The following PRPF38A variants were observed in gnomAD, a reference collection of about 807,000 sequenced individuals.
PRPF38A encodes pre-mRNA-splicing factor 38A.
PRPF38A carries 11 observed loss-of-function variants against 46.8 expected under a neutral mutation model. The ratio of observed to expected loss-of-function variants is 0.24; its 90% CI spans 0.15 to 0.39. PRPF38A has a LOEUF of 0.39. Among genes scored for constraint, PRPF38A ranks in the 10% least tolerant of loss-of-function variants. The probability of loss-of-function intolerance (pLI) is 1.00; values close to 1 mark genes in which losing one functional copy is unlikely to be tolerated. For missense variants in PRPF38A, 261 were observed against 407.5 expected (o/e 0.64, Z 3.10); for synonymous variants, 124 against 136.2 (o/e 0.91, Z 0.62).
chr1:52,410,455 A>G (rs1051162797), intron 3 of PRPF38A, among the ~76,000 whole-genome samples: 7 of 150,592 alleles, frequency 4.6e-5, no homozygotes, highest in Middle Eastern at 3.2e-3. Flanking sequence ...TTATATATAT[A>G]TAGATGTATA....
chr1:52,408,128 C>A (rs1648051484), intron 2 of PRPF38A, among the ~76,000 whole-genome samples: 1 of 150,356 alleles, frequency 6.7e-6, no homozygotes, highest in African/African-American at 2.5e-5. Context: ...GTAATCCTCG[C>A]TACATGGAGG....
At chr1:52,415,118 T>C (rs1350650656) in intron 8 of PRPF38A, among the ~76,000 whole-genome samples, 1 of 152,240 alleles carries the variant, frequency 6.6e-6, no homozygotes, top group East Asian at 1.9e-4. Context: ...TTTGTGAAAT[T>C]AGTCATAAAG....
rs994315184 is a variant in PRPF38A, at chr1:52,418,647, G to T, written c.*1957G>T. On this transcript the variant is annotated 3_prime_UTR_variant, in exon 10 of 10. Coordinates refer to ENST00000257181, the MANE Select transcript of PRPF38A (RefSeq NM_032864.4). ...CCTATTCTTTAATTAGAAGAAGGAG[G>T]TAAGAGTAAGACATGTTGCATGTCT... 5 of 152,156 alleles carry T rather than the reference G, an allele frequency of 3.3e-5. No homozygotes were observed. The highest frequency in any genetic ancestry group is 1.2e-4 in the African/African-American group (5 of 41,416). The allele number at this position is 152,156 out of a possible 1,614,324, so 9.4% of individuals were successfully genotyped here. A position where few individuals can be genotyped will look rare whatever the true frequency, so the allele number is the denominator to read the frequency against.
chr1:52,405,932 A>C, intron 2 of PRPF38A, 93 bp downstream of exon 2: 59 of 1,025,880 alleles, frequency 5.8e-5, no homozygotes, highest in Middle Eastern at 2.2e-4. Flanking sequence ...AATGTATCTC[A>C]TTTCTAGAGA....
rs1648320414 is a variant in PRPF38A, at chr1:52,417,313, C to T, written c.*623C>T. 1 of 152,374 alleles carries T rather than the reference C, an allele frequency of 6.6e-6. No homozygotes were observed. The highest frequency in any genetic ancestry group is 1.5e-5 in the Non-Finnish European group (1 of 68,166). The allele number at this position is 152,374 out of a possible 1,614,324, so 9.4% of individuals were successfully genotyped here. A position where few individuals can be genotyped will look rare whatever the true frequency, so the allele number is the denominator to read the frequency against. ...TATACAGCCCATTTTTTCATAGTTT[C>T]ATTTGTTCTTGCCCACAAGCTTGAA... is the stretch of plus-strand genomic sequence containing the variant. On this transcript the variant is annotated 3_prime_UTR_variant, in exon 10 of 10. Coordinates refer to ENST00000257181, the MANE Select transcript of PRPF38A (RefSeq NM_032864.4).
At position 52,420,293 on chromosome 1, in the gene PRPF38A, G is replaced by A. The variant is rs758234566; in HGVS notation, c.*3603G>A. The A allele has an allele frequency of 1.3e-5, 2 of 152,130 alleles. No individual in the cohort carries two copies. Among genetic ancestry groups the A allele is most frequent in the Non-Finnish European group, 1.5e-5 (1 of 68,032 alleles). 9.4% of individuals were successfully genotyped at this position (152,130 alleles called of 1,614,324 possible). A position where few individuals can be genotyped will look rare whatever the true frequency, so the allele number is the denominator to read the frequency against. ...AGAAATGAATCAAATTAAGGACTTA[G>A]GAACAAAGAATCAGTAAAAGGAGTG... On this transcript the variant is annotated 3_prime_UTR_variant, in exon 10 of 10. Transcript: ENST00000257181.
chr1:52,413,990 A>C lies in PRPF38A; in HGVS notation c.721A>C (p.Arg241=), dbSNP rs780969858. Reference sequence around the variant, plus strand: ...GAGGAGTAGGAGCCGGTCTCCCAGAAGGTAAAGCCTAGTCATTGGCCTTTT... The same window carrying C: ...GAGGAGTAGGAGCCGGTCTCCCAGACGGTAAAGCCTAGTCATTGGCCTTTT... ...YRRSRSRSPR[R]RSRSPKRRSP... The change falls in exon 6 of 10, where the codon AGG becomes CGG. Residue 241 remains arginine (R), a splice_region_variant and synonymous_variant. Transcript: ENST00000257181. 1 of 1,603,060 alleles carries C rather than the reference A, an allele frequency of 6.2e-7. No homozygotes were observed. The highest frequency in any genetic ancestry group is 8.5e-7 in the Non-Finnish European group (1 of 1,170,028).
intron 9 of PRPF38A, 81 bp downstream of exon 9, chr1:52,415,467 T>G: frequency 8.1e-7 from 1 of 1,229,770 alleles, no homozygotes; most frequent in Non-Finnish European, 1.2e-6. Flanking sequence ...CTTGTTTTGT[T>G]GGGGGATGTT....
intron 3 of PRPF38A, 124 bp from the exon 4 acceptor site, chr1:52,410,991 T>C: frequency 1.5e-6 from 1 of 646,580 alleles, no homozygotes; most frequent in East Asian, 2.8e-5. Context: ...CATTCATCCC[T>C]TAATCTCTTC....
At chr1:52,410,976 A>G (rs1648133922) in intron 3 of PRPF38A, 139 bp from the exon 4 acceptor site, 7 of 609,502 alleles carry the variant, frequency 1.1e-5, no homozygotes, top group African/African-American at 1.9e-5. Context: ...TAATTGGGAC[A>G]TCTTCATTCA....
At chr1:52,416,367 G>A (rs960805561) in intron 9 of PRPF38A, among the ~76,000 whole-genome samples, 2 of 151,020 alleles carry the variant, frequency 1.3e-5, no homozygotes, top group Non-Finnish European at 2.9e-5. Context: ...GGAGTGCAAT[G>A]GCCCAATCTC....
At chr1:52,414,548 A>C in intron 6 of PRPF38A, 73 bp from the exon 7 acceptor site, 1 of 1,520,450 alleles carries the variant, frequency 6.6e-7, no homozygotes, top group Non-Finnish European at 9.1e-7. Flanking sequence ...GAAGGATAAG[A>C]TTGGGGCCGT....
rs1371367186 is a variant in PRPF38A, at chr1:52,413,886, G to GAGTGCCATCACCTGATC, written c.619_635dup (p.His212GlnfsTer131). On this transcript the variant is annotated frameshift_variant, in exon 6 of 10. Transcript: ENST00000257181. LOFTEE classifies it high-confidence loss of function. Reference sequence around the variant, plus strand: ...CAATCATCTTGTTTCCAGTTGGAAAGAGTGCCATCACCTGATCACCGCCGG... The same window carrying GAGTGCCATCACCTGATC: ...CAATCATCTTGTTTCCAGTTGGAAAGAGTGCCATCACCTGATCAGTGCCATCACCTGATCACCGCCGG... 6.2e-7 allele frequency: 1 copy of GAGTGCCATCACCTGATC among 1,611,424 alleles called. No homozygotes were observed. Among genetic ancestry groups the GAGTGCCATCACCTGATC allele is most frequent in the Admixed American group, 1.7e-5 (1 of 59,976 alleles).
intron 2 of PRPF38A, among the ~76,000 whole-genome samples, chr1:52,408,071 A>C (rs556320183): frequency 2.0e-5 from 3 of 151,884 alleles, no homozygotes; most frequent in Admixed American, 1.3e-4. Flanking sequence ...ATAAATAAAT[A>C]CATAAATAAA....
At position 52,417,306 on chromosome 1, in the gene PRPF38A, A is replaced by G. The variant is rs997196767; in HGVS notation, c.*616A>G. Reference sequence around the variant, plus strand: ...TACCCTTTATACAGCCCATTTTTTCATAGTTTCATTTGTTCTTGCCCACAA... The same window carrying G: ...TACCCTTTATACAGCCCATTTTTTCGTAGTTTCATTTGTTCTTGCCCACAA... On this transcript the variant is annotated 3_prime_UTR_variant, in exon 10 of 10. Coordinates refer to ENST00000257181, the MANE Select transcript of PRPF38A (RefSeq NM_032864.4). 10 of 152,526 alleles carry G rather than the reference A, an allele frequency of 6.6e-5. No homozygotes were observed. Among genetic ancestry groups the G allele is most frequent in the African/African-American group, 2.2e-4 (9 of 41,578 alleles). 9.4% of individuals were successfully genotyped at this position (152,526 alleles called of 1,614,324 possible). A position where few individuals can be genotyped will look rare whatever the true frequency, so the allele number is the denominator to read the frequency against.
rs1648366838 is a variant in PRPF38A, at chr1:52,418,914, T to G, written c.*2224T>G. 1 of 152,260 alleles carries G rather than the reference T, an allele frequency of 6.6e-6. No individual in the cohort carries two copies. Among genetic ancestry groups the G allele is most frequent in the African/African-American group, 2.4e-5 (1 of 41,472 alleles). 9.4% of individuals were successfully genotyped at this position (152,260 alleles called of 1,614,324 possible). ...AGTGAATTCTGGTGTTTCCTACTTG[T>G]TAACAGTTTTTAATATTGGATGAAA... On this transcript the variant is annotated 3_prime_UTR_variant, in exon 10 of 10. Transcript: ENST00000257181.
intron 2 of PRPF38A, chr1:52,408,168 A>T: frequency 3.0e-6 from 1 of 330,890 alleles, no homozygotes; most frequent in Non-Finnish European, 5.9e-6. Context: ...TGATCCCAGG[A>T]GGCGGAGGTT....
intron 3 of PRPF38A, among the ~76,000 whole-genome samples, chr1:52,410,029 ATATG>A (rs1648102366): frequency 1.3e-5 from 2 of 151,048 alleles, no homozygotes; most frequent in South Asian, 4.1e-4. Context: ...GTATGTATAT[ATATG>A]TATTTGTATA....
chr1:52,406,808 C>T (rs1648010113), intron 2 of PRPF38A, among the ~76,000 whole-genome samples: 2 of 152,154 alleles, frequency 1.3e-5, no homozygotes, highest in African/African-American at 4.8e-5. Flanking sequence ...AACTTTTAAT[C>T]CCTATTCTAC....
Sources: allele counts gnomAD v4.1 joint callset (sites outside exome capture counted in the v4.1 genomes callset), GRCh38; gene constraint gnomAD v4.1.1; transcripts MANE v1.5; gene names NCBI Gene and HGNC (gene_info 2026-07-23, HGNC 2026-07-21).